Variants in SERPINE2 observed in about 807,000 individuals in gnomAD.
SERPINE2 encodes serpin family E member 2.
Under a neutral mutation model 36.3 loss-of-function variants are expected in SERPINE2, and 14 were observed. The ratio of observed to expected loss-of-function variants is 0.39; its 90% confidence interval spans 0.25 to 0.60. The LOEUF is 0.60. SERPINE2 is among the 20% of genes least tolerant of loss of function. The pLI, the probability that SERPINE2 is intolerant of heterozygous loss-of-function variation, is 0.57. For missense variants in SERPINE2, 418 were observed against 499.6 expected (o/e 0.84, Z 1.56); for synonymous variants, 192 against 191.8 (o/e 1.00, Z -0.01).
chr2:224,012,211 G>A (rs1691651196), intron 1 of SERPINE2, among the ~76,000 whole-genome samples: 1 of 152,048 alleles, frequency 6.6e-6, no homozygotes, highest in Non-Finnish European at 1.5e-5. Context: ...TTTCAACTGG[G>A]AGCACTTCCT....
chr2:224,029,848 G>A (rs757941728), intron 1 of SERPINE2, among the ~76,000 whole-genome samples: 5 of 152,246 alleles, frequency 3.3e-5, no homozygotes, highest in East Asian at 1.9e-4. Flanking sequence ...ACGGGCGTGC[G>A]TCACCATGCC....
At position 223,991,686 on chromosome 2, in the gene SERPINE2, T is replaced by C. The variant is rs543183949; in HGVS notation, c.685+117A>G. 27 of 1,057,546 alleles carry C rather than the reference T, an allele frequency of 2.6e-5. No individual in the cohort carries two copies. In the South Asian group the frequency reaches 3.5e-4, roughly 14 times the overall value. The allele number at this position is 1,057,546 out of a possible 1,614,324, so 65.5% of individuals were successfully genotyped here. ...TCCTGCCTCTCAGCACCCTGCTCTG[T>C]TCCCCAGTTTTTTAAAAGATGAAAA... On this transcript the variant is annotated intron_variant, in intron 4 of 8. Transcript: ENST00000409304.
At chr2:224,037,472 G>A (rs1395739978) in intron 1 of SERPINE2, among the ~76,000 whole-genome samples, 1 of 152,212 alleles carries the variant, frequency 6.6e-6, no homozygotes, top group African/African-American at 2.4e-5. Flanking sequence ...GGTAGCTGGA[G>A]TACATGGAAG....
intron 1 of SERPINE2, among the ~76,000 whole-genome samples, chr2:224,027,162 G>A (rs976113660): frequency 6.6e-6 from 1 of 152,168 alleles, no homozygotes; most frequent in African/African-American, 2.4e-5. Flanking sequence ...TCTGCATGAA[G>A]GGCTTGGCAT....
At chr2:224,038,163 CACA>C (rs1205114529) in intron 1 of SERPINE2, among the ~76,000 whole-genome samples, 1 of 152,068 alleles carries the variant, frequency 6.6e-6, no homozygotes, top group Non-Finnish European at 1.5e-5. Context: ...TATATTGTTC[CACA>C]ACAATTCAGA....
chr2:224,037,267 C>T (rs1368781981), intron 1 of SERPINE2, among the ~76,000 whole-genome samples: 1 of 152,148 alleles, frequency 6.6e-6, no homozygotes, highest in Non-Finnish European at 1.5e-5. Flanking sequence ...CCTCTATTCT[C>T]CTGGTAGAAT....
At chr2:223,998,821 G>A (rs944675619) in intron 2 of SERPINE2, among the ~76,000 whole-genome samples, 1 of 152,170 alleles carries the variant, frequency 6.6e-6, no homozygotes, top group Non-Finnish European at 1.5e-5. Context: ...AGGGAGTGGG[G>A]TTAAAGTCTA....
At chr2:224,008,006 G>A (rs1691490070) in intron 1 of SERPINE2, among the ~76,000 whole-genome samples, 1 of 152,220 alleles carries the variant, frequency 6.6e-6, no homozygotes, top group South Asian at 2.1e-4. Flanking sequence ...CTGAGCAGAG[G>A]TGCCCGGCTG....
intron 7 of SERPINE2, chr2:223,979,235 C>G (rs559986340): frequency 3.9e-4 from 59 of 152,288 alleles, no homozygotes; most frequent in African/African-American, 1.4e-3. Flanking sequence ...GAACAAGGGG[C>G]TCCATATTTT....
intron 4 of SERPINE2, among the ~76,000 whole-genome samples, chr2:223,987,706 T>C (rs1690488911): frequency 6.6e-6 from 1 of 152,144 alleles, no homozygotes; most frequent in Admixed American, 6.5e-5. Flanking sequence ...TGGAGGAGAT[T>C]TAGAACTTTC....
At position 223,980,149 on chromosome 2, in the gene SERPINE2, G is replaced by T. The variant is rs548508799; in HGVS notation, c.1072+162C>A. ...CAGATTCTGAGCTTTGTGGTTACAG[G>T]TCTTCAGTCTGTCTGTACTCACTGC... On this transcript the variant is annotated intron_variant, in intron 7 of 8. Transcript: ENST00000409304. 22 of 565,720 alleles carry T rather than the reference G, an allele frequency of 3.9e-5. No homozygotes were observed. The Admixed American group carries it at 5.0e-4, about 13-fold the overall frequency. 35.0% of individuals were successfully genotyped at this position (565,720 alleles called of 1,614,324 possible). A position where few individuals can be genotyped will look rare whatever the true frequency, so the allele number is the denominator to read the frequency against.
intron 2 of SERPINE2, among the ~76,000 whole-genome samples, chr2:223,999,432 A>G (rs1352848124): frequency 6.6e-6 from 1 of 152,072 alleles, no homozygotes. Flanking sequence ...TCCTCTAAAG[A>G]GCCGATTTGT....
Position 223,984,966 on chromosome 2 carries a change from G to A in SERPINE2, c.686-16C>T, listed in dbSNP as rs1559196469. 1 of 1,613,176 alleles carries A rather than the reference G, an allele frequency of 6.2e-7. No homozygotes were observed. The highest frequency in any genetic ancestry group is 8.5e-7 in the Non-Finnish European group (1 of 1,179,210). The stretch of plus-strand genomic sequence containing the variant: ...CTTGTCGACCCTAAAGAAATCAGAA[G>A]CAGGTTCAGTGTATCCTTGTTGACT... On this transcript the variant is annotated splice_polypyrimidine_tract_variant and intron_variant, in intron 4 of 8. Coordinates refer to ENST00000409304, the MANE Select transcript of SERPINE2 (RefSeq NM_001136528.2).
At chr2:224,008,713 TG>T (rs1243968011) in intron 1 of SERPINE2, among the ~76,000 whole-genome samples, 1 of 152,220 alleles carries the variant, frequency 6.6e-6, no homozygotes, top group Non-Finnish European at 1.5e-5. Context: ...TTCCTTTTAG[TG>T]AGAAACAGTA....
In SERPINE2 at chr2:223,975,904, C is replaced by A; in HGVS notation, c.1157G>T (p.Gly386Val). 1.3e-6 allele frequency: 2 copies of A among 1,594,622 alleles called. No homozygotes were observed. The highest frequency in any genetic ancestry group is 1.7e-5 in the Admixed American group (1 of 59,674). Residue 386 changes from glycine to valine, a missense_variant and splice_region_variant, in exon 9 of 9, where the codon GGT (glycine) becomes GTT (valine). Gly to Val is a moderately radical substitution (Grantham distance 109). Coordinates refer to ENST00000409304, the MANE Select transcript of SERPINE2 (RefSeq NM_001136528.2). Reference protein sequence around the residue: ...FLFFIRHNPTGAVLFMGQINK... With the variant: ...FLFFIRHNPTVAVLFMGQINK... ...TATCTGCCCCATGAATAACACAGCA[C>A]CTACAGAATTAAAAGAAAACAATGC...
At chr2:223,997,542 C>G (rs1690938237) in intron 3 of SERPINE2, among the ~76,000 whole-genome samples, 1 of 152,100 alleles carries the variant, frequency 6.6e-6, no homozygotes, top group Non-Finnish European at 1.5e-5. Flanking sequence ...TTTAAAACAC[C>G]AACGTTAGAC....
chr2:223,992,104 T>C, intron 3 of SERPINE2, 104 bp from the exon 4 acceptor site: 1 of 953,496 alleles, frequency 1.0e-6, no homozygotes. Context: ...ATCAAAGGAT[T>C]TTTAAGGAGT....
chr2:224,031,630 A>C (rs1376471926), intron 1 of SERPINE2, among the ~76,000 whole-genome samples: 1 of 152,144 alleles, frequency 6.6e-6, no homozygotes, highest in East Asian at 1.9e-4. Context: ...CGGGACGAGC[A>C]TGTGACCATG....
chr2:223,978,145 C>T, intron 7 of SERPINE2: 1 of 154,188 alleles, frequency 6.5e-6, no homozygotes, highest in Non-Finnish European at 1.4e-5. Context: ...GATTCTCCTG[C>T]CTCAGCCTCC....
Sources: allele counts gnomAD v4.1 joint callset (sites outside exome capture counted in the v4.1 genomes callset), GRCh38; gene constraint gnomAD v4.1.1; transcripts MANE v1.5; gene names NCBI Gene and HGNC (gene_info 2026-07-23, HGNC 2026-07-21).